EP400: variants seen among roughly 807,000 people sequenced by gnomAD.
EP400 encodes the protein E1A binding protein p400, also known as E1A-binding protein p400.
In EP400, 105 loss-of-function variants were observed where a neutral mutation model predicts 354.1. That is an observed-to-expected ratio of 0.30 (90% confidence interval 0.25 to 0.35). The LOEUF (loss-of-function observed/expected upper bound fraction) is 0.35, where lower values mean the gene tolerates loss of function less well. Ranked by LOEUF, EP400 falls within the 10% of genes least tolerant of loss-of-function variation. The pLI is 1.00. For synonymous variants in EP400, 1,646 were observed against 1,716.9 expected (o/e 0.96, Z 1.02); for missense variants, 3,280 against 4,121.0 (o/e 0.80, Z 5.59).
chr12:132,031,846 C>G, intron 29 of EP400, 107 bp from the exon 30 acceptor site: 1 of 1,241,122 alleles, frequency 8.1e-7, no homozygotes, highest in South Asian at 1.4e-5. Context: ...TGAGCCGCCA[C>G]GCCCGGCCTG....
intron 6 of EP400, among the ~76,000 whole-genome samples, chr12:131,987,223 A>C (rs1340153936): frequency 6.6e-6 from 1 of 152,188 alleles, no homozygotes; most frequent in Non-Finnish European, 1.5e-5. Context: ...TATTTTGTTC[A>C]ACTTCATTAG....
At chr12:132,036,616 A>C (rs1431982041) in intron 30 of EP400, among the ~76,000 whole-genome samples, 56 of 152,264 alleles carry the variant, frequency 3.7e-4, no homozygotes. Context: ...GTGCAGCAGC[A>C]CCTTCTTGTG....
chr12:131,999,894 T>C (rs1451610461), intron 12 of EP400, among the ~76,000 whole-genome samples: 1 of 152,140 alleles, frequency 6.6e-6, no homozygotes. Flanking sequence ...ATCTTGGCTG[T>C]GTTTGTATGT....
At chr12:132,048,917 T>C (rs1361854418) in intron 39 of EP400, among the ~76,000 whole-genome samples, 1 of 152,216 alleles carries the variant, frequency 6.6e-6, no homozygotes, top group Non-Finnish European at 1.5e-5. Flanking sequence ...TAGAGTAAGA[T>C]TCAGTCTTAA....
chr12:131,985,434 G>C (rs969493165), intron 5 of EP400, among the ~76,000 whole-genome samples: 1 of 152,032 alleles, frequency 6.6e-6, no homozygotes, highest in Non-Finnish European at 1.5e-5. Flanking sequence ...GTCGTGGGAC[G>C]GGCGCTCAGA....
chr12:132,056,030 G>C (rs560337616), intron 45 of EP400, among the ~76,000 whole-genome samples: 2 of 152,002 alleles, frequency 1.3e-5, no homozygotes, highest in Admixed American at 6.5e-5. Context: ...GGAGACCCCA[G>C]GTGTGGGAAG....
chr12:132,032,622 G>GTT lies in EP400; in HGVS notation c.5951+489_5951+490dup, dbSNP rs531629339. On this transcript the variant is annotated intron_variant, in intron 30 of 52. Transcript: ENST00000389561. ...GTGAAAAGAAGAGAAAAGAGAATTA[G>GTT]TTTTTTTTTTTTTTTTTCTTTTTTT... 1.6e-3 allele frequency among the ~76,000 whole-genome samples: 219 copies of GTT among 138,682 alleles called. 1 individual carries two copies. Among genetic ancestry groups the GTT allele is most frequent in the African/African-American group, 3.5e-3 (131 of 37,954 alleles). The allele number at this position is 138,682 out of a possible 152,430, so 91.0% of individuals were successfully genotyped here.
At chr12:132,031,926 T>C in intron 29 of EP400, 27 bp from the exon 30 acceptor site, 1 of 1,574,532 alleles carries the variant, frequency 6.4e-7, no homozygotes, top group Non-Finnish European at 8.6e-7. Flanking sequence ...CCAAGAATAC[T>C]AACTCCTGTG....
At chr12:132,023,258 G>A (rs1413808257) in intron 23 of EP400, among the ~76,000 whole-genome samples, 4 of 138,882 alleles carry the variant, frequency 2.9e-5, no homozygotes, top group African/African-American at 8.2e-5. Context: ...TCAGCCTCGT[G>A]TGTAGCTCGG....
At position 132,052,480 on chromosome 12, in the gene EP400, G is replaced by A. The variant is rs868244845; in HGVS notation, c.7395-666G>A. ...CCCAGCCCTTCACTTAACTGCCCTC[G>A]TGAGATGTTTTCAGAGCGCACTGTT... On this transcript the variant is annotated intron_variant, in intron 41 of 52. Coordinates refer to ENST00000389561, the MANE Select transcript of EP400 (RefSeq NM_015409.5). This position sits in a 1 kb window ranked among gnomAD's most constrained non-coding sequence, Gnocchi z 4.4. Among the ~76,000 whole-genome samples, 13 of 152,316 alleles carry A rather than the reference G, an allele frequency of 8.5e-5. No individual in the cohort carries two copies. The highest frequency in any genetic ancestry group is 6.8e-3 in the Middle Eastern group (2 of 294).
intron 12 of EP400, among the ~76,000 whole-genome samples, chr12:132,004,836 A>G (rs1379374042): frequency 6.6e-6 from 1 of 152,228 alleles, no homozygotes; most frequent in Non-Finnish European, 1.5e-5. Context: ...GCATCCCCCA[A>G]CAAAATATTT....
In EP400 at chr12:132,062,785, G is replaced by A. The variant is rs1458277166; in HGVS notation, c.8334+84G>A. On this transcript the variant is annotated intron_variant, in intron 47 of 52. Coordinates refer to ENST00000389561, the MANE Select transcript of EP400 (RefSeq NM_015409.5). ...CTGTGAGACGGTGCCTGCTTGCATGGTGCAGTCCAGAGTGTATTTTGCAAA... is the reference window on the plus strand; with the variant it reads ...CTGTGAGACGGTGCCTGCTTGCATGATGCAGTCCAGAGTGTATTTTGCAAA... 8 of 1,545,156 alleles carry A rather than the reference G, an allele frequency of 5.2e-6. No homozygotes were observed. The East Asian group carries it at 1.8e-4, about 35-fold the overall frequency.
At chr12:131,968,157 A>G (rs1345951435) in intron 2 of EP400, among the ~76,000 whole-genome samples, 1 of 152,178 alleles carries the variant, frequency 6.6e-6, no homozygotes, top group Non-Finnish European at 1.5e-5. Flanking sequence ...TTGATGCCAT[A>G]TCTAAGAGCT....
intron 45 of EP400, among the ~76,000 whole-genome samples, chr12:132,058,856 A>T (rs914679093): frequency 1.3e-5 from 2 of 150,858 alleles, no homozygotes; most frequent in Non-Finnish European, 2.9e-5. Context: ...GTACAATCAC[A>T]GCTCACTGCA....
chr12:132,029,704 G>T lies in EP400; in HGVS notation c.5385G>T (p.Val1795=). 3 of 1,611,972 alleles carry T rather than the reference G, an allele frequency of 1.9e-6. No homozygotes were observed. The highest frequency in any genetic ancestry group is 8.5e-7 in the Non-Finnish European group (1 of 1,179,576). Residue 1795 remains valine, a synonymous_variant, in exon 28 of 53, where the codon GTG becomes GTT. Coordinates refer to ENST00000389561, the MANE Select transcript of EP400 (RefSeq NM_015409.5). The surrounding 1 kb of genome is among the most constrained non-coding windows in gnomAD (Gnocchi z 4.7). ...AAACATGCTTTCTGCTCCTCAGGGT[G>T]GCCTTTGTGATTCCTCCGGTGGTGG... ...GESLQDVIDR[V]AFVIPPVVAA... is the part of the protein sequence containing the mutation.
rs576419037 is a variant in EP400, at chr12:131,982,337, T to C, written c.1788T>C (p.Thr596=). 1 of 1,614,048 alleles carries C rather than the reference T, an allele frequency of 6.2e-7. No homozygotes were observed. Among genetic ancestry groups the C allele is most frequent in the South Asian group, 1.1e-5 (1 of 91,082 alleles). The change falls in exon 5 of 53, where the codon ACT becomes ACC. Residue 596 remains threonine (T), a synonymous_variant. Transcript: ENST00000389561. ...CACAGCTCCAAATCCCGGTGAAGAC[T>C]CAGCAGCCCAATGTTCCCATCCCTG... ...AQTQLQIPVK[T]QQPNVPIPAP...
chr12:131,980,344 C>T (rs984506572), intron 3 of EP400, among the ~76,000 whole-genome samples: 7 of 152,154 alleles, frequency 4.6e-5, no homozygotes, highest in African/African-American at 1.2e-4. Context: ...GTTGTTATGT[C>T]TAAGAATATT....
At position 132,050,560 on chromosome 12, in the gene EP400, C is replaced by T; in HGVS notation, c.7338-39C>T. ...TAACATACCCTTCTTCAGATATTTC[C>T]TTTATTTAATAATTGCTGTCTCACT... On this transcript the variant is annotated intron_variant, in intron 40 of 52. Transcript: ENST00000389561. The surrounding 1 kb of genome is among the most constrained non-coding windows in gnomAD (Gnocchi z 4.8). 1.9e-6 allele frequency: 3 copies of T among 1,613,714 alleles called. No homozygotes were observed. Among genetic ancestry groups the T allele is most frequent in the Non-Finnish European group, 2.5e-6 (3 of 1,179,664 alleles).
chr12:132,056,014 G>T (rs1422210371), intron 45 of EP400, among the ~76,000 whole-genome samples: 2 of 151,860 alleles, frequency 1.3e-5, no homozygotes, highest in African/African-American at 4.8e-5. Context: ...AGTTTCTACG[G>T]AACGTGGAGA....
Sources: gnomAD v4.1 joint callset for allele counts (sites outside exome capture counted in the v4.1 genomes callset) on GRCh38, gnomAD v4.1.1 for gene constraint, Gnocchi (gnomAD v3.1) non-coding constraint, MANE v1.5 for transcripts, NCBI Gene and HGNC (gene_info 2026-07-23, HGNC 2026-07-21) for gene names.